The following SMG7 variants were observed in gnomAD, a reference collection of about 807,000 sequenced individuals.
SMG7 encodes nonsense-mediated mRNA decay factor SMG7.
Under a neutral mutation model 148.2 loss-of-function variants are expected in SMG7, and 34 were observed. The ratio of observed to expected loss-of-function variants is 0.23; its 90% CI spans 0.17 to 0.31. The LOEUF (loss-of-function observed/expected upper bound fraction) is 0.31. Ranked by LOEUF, SMG7 falls within the 10% of genes least tolerant of loss-of-function variation. The pLI, the probability that SMG7 is intolerant of heterozygous loss-of-function variation, is 1.00. For missense variants in SMG7, 1,114 were observed against 1,408.4 expected, an observed-to-expected ratio of 0.79 and a Z score of 3.35; for synonymous variants, 492 against 515.1, an observed-to-expected ratio of 0.96 and a Z score of 0.61.
At position 183,475,445 on chromosome 1, in the gene SMG7, G is replaced by T. The variant is rs188991456; in HGVS notation, c.29+2796G>T. 8.5e-5 allele frequency among the ~76,000 whole-genome samples: 13 copies of T among 152,236 alleles called. No individual in the cohort carries two copies. In the East Asian group the frequency reaches 2.5e-3, roughly 29 times the overall value. On this transcript the variant is annotated intron_variant, in intron 1 of 22. Transcript: ENST00000688051. ...TGTTCCATAATTTATAGTTAAAATGGGTAGACAATGGAGAATCTGAGATGA... is the reference window on the plus strand; with the variant it reads ...TGTTCCATAATTTATAGTTAAAATGTGTAGACAATGGAGAATCTGAGATGA...
At chr1:183,534,059 C>T (rs1667313645) in intron 10 of SMG7, among the ~76,000 whole-genome samples, 1 of 152,192 alleles carries the variant, frequency 6.6e-6, no homozygotes, top group Non-Finnish European at 1.5e-5. Flanking sequence ...TGTACACTCC[C>T]TTGTTCCCAG....
chr1:183,491,558 C>CAT (rs1373246991), intron 1 of SMG7, among the ~76,000 whole-genome samples: 74 of 151,840 alleles, frequency 4.9e-4, no homozygotes, highest in Non-Finnish European at 8.4e-4. Flanking sequence ...TGGCTATATA[C>CAT]ATATATATAT....
chr1:183,508,483 T>C (rs550516980), intron 1 of SMG7, among the ~76,000 whole-genome samples: 1 of 152,320 alleles, frequency 6.6e-6, no homozygotes, highest in East Asian at 1.9e-4. Flanking sequence ...TGAGCCACCA[T>C]GCCTGGCCTA....
chr1:183,495,797 G>A (rs1294869939), intron 1 of SMG7, among the ~76,000 whole-genome samples: 2 of 152,090 alleles, frequency 1.3e-5, no homozygotes, highest in Non-Finnish European at 2.9e-5. Flanking sequence ...GAACCCAGGA[G>A]GCAGAGGTTG....
At chr1:183,500,443 A>G (rs906566071) in intron 1 of SMG7, among the ~76,000 whole-genome samples, 2 of 152,158 alleles carry the variant, frequency 1.3e-5, no homozygotes, top group Non-Finnish European at 2.9e-5. Flanking sequence ...GGTTTTAGAA[A>G]CCTTGAGTTT....
chr1:183,538,261 G>A (rs1346174214), intron 11 of SMG7, 119 bp from the exon 12 acceptor site: 4 of 691,260 alleles, frequency 5.8e-6, no homozygotes, highest in Non-Finnish European at 5.2e-6. Flanking sequence ...GAAGAGCAGA[G>A]AACAATAAGC....
Position 183,553,608 on chromosome 1 carries a change from G to GCCCCCCCCCCCCCCCCCC in SMG7, c.*1685_*1686insCCCCCCCCCCCCCCCCCC, listed in dbSNP as rs3832026. On this transcript the variant is annotated 3_prime_UTR_variant, in exon 23 of 23. Coordinates refer to ENST00000688051, the MANE Select transcript of SMG7 (RefSeq NM_001375584.1). ...TTGCTCTTCAGAGAGAGTGGTTGGA[G>GCCCCCCCCCCCCCCCCCC]CCCCCCCCGCCCCGTATGCTTACAT... 3.1e-5 allele frequency: 4 copies of GCCCCCCCCCCCCCCCCCC among 128,372 alleles called. No individual in the cohort carries two copies. The highest frequency in any genetic ancestry group is 5.1e-5 in the Non-Finnish European group (3 of 59,292). The allele number at this position is 128,372 out of a possible 1,614,324, so 8.0% of individuals were successfully genotyped here.
chr1:183,507,421 A>G (rs1012393977), intron 1 of SMG7, among the ~76,000 whole-genome samples: 2 of 152,138 alleles, frequency 1.3e-5, no homozygotes, highest in African/African-American at 4.8e-5. Flanking sequence ...GAGAGGAACT[A>G]TTATATAATA....
At chr1:183,509,521 C>T (rs905027239) in intron 1 of SMG7, among the ~76,000 whole-genome samples, 2 of 152,100 alleles carry the variant, frequency 1.3e-5, no homozygotes, top group Non-Finnish European at 2.9e-5. Flanking sequence ...ATTTATAAAA[C>T]AGGAATAAGT....
chr1:183,541,227 T>A (rs572869792), intron 13 of SMG7, 124 bp downstream of exon 13: 1 of 835,846 alleles, frequency 1.2e-6, no homozygotes, highest in East Asian at 2.6e-5. Context: ...GTATAAATAT[T>A]GTCAATCATG....
At chr1:183,473,564 G>C (rs1054851936) in intron 1 of SMG7, among the ~76,000 whole-genome samples, 2 of 152,166 alleles carry the variant, frequency 1.3e-5, no homozygotes, top group Admixed American at 6.5e-5. Context: ...CAGCTGAAAG[G>C]TTCCATGGAA....
At chr1:183,538,204 A>G (rs541182305) in intron 11 of SMG7, among the ~76,000 whole-genome samples, 176 bp from the exon 12 acceptor site, 1 of 152,334 alleles carries the variant, frequency 6.6e-6, no homozygotes, top group East Asian at 1.9e-4. Context: ...CAAAGATAAC[A>G]TGCAGAGTTT....
Position 183,533,738 on chromosome 1 carries a change from A to G in SMG7, c.1069A>G (p.Asn357Asp). 1 of 1,613,612 alleles carries G rather than the reference A, an allele frequency of 6.2e-7. No homozygotes were observed. Among genetic ancestry groups the G allele is most frequent in the Non-Finnish European group, 8.5e-7 (1 of 1,179,664 alleles). Reference sequence around the variant, plus strand: ...GAATGAGTCTCAGGAGGAGTCCTACAATGCCTATCCTCTTCCAGCAGTCAA... The same window carrying G: ...GAATGAGTCTCAGGAGGAGTCCTACGATGCCTATCCTCTTCCAGCAGTCAA... ...LQNESQEESY[N>D]AYPLPAVKVS... Residue 357 changes from asparagine (N) to aspartate (D), a missense_variant, in exon 10 of 23, where the codon AAT (asparagine) becomes GAT (aspartate). Physicochemically the swap from Asn to Asp is conservative, Grantham distance 23 (BLOSUM62 1). Around this residue, in one of 4 missense-constraint regions of SMG7, gnomAD observed 102 missense variants for 147.2 expected, o/e 0.69. Transcript: ENST00000688051.
At chr1:183,520,899 T>C (rs1395271355) in intron 4 of SMG7, among the ~76,000 whole-genome samples, 1 of 152,184 alleles carries the variant, frequency 6.6e-6, no homozygotes, top group Non-Finnish European at 1.5e-5. Flanking sequence ...AGGGAAAATA[T>C]GGATACTCTC....
intron 14 of SMG7, among the ~76,000 whole-genome samples, chr1:183,543,520 C>T (rs1314303129): frequency 2.0e-5 from 3 of 152,050 alleles, no homozygotes; most frequent in Admixed American, 1.3e-4. Flanking sequence ...GCCAAAGGAT[C>T]CGAGTTTTAG....
At chr1:183,542,545 C>G (rs945705600) in intron 14 of SMG7, 43 bp downstream of exon 14, 1 of 1,511,634 alleles carries the variant, frequency 6.6e-7, no homozygotes, top group African/African-American at 1.4e-5. Flanking sequence ...GGAAGGCTCA[C>G]ACAAAAGGCA....
chr1:183,487,188 C>T (rs539779306), intron 1 of SMG7, among the ~76,000 whole-genome samples: 1 of 152,210 alleles, frequency 6.6e-6, no homozygotes, highest in Middle Eastern at 3.4e-3. Context: ...GGTGCCATTC[C>T]TTCTAGAGTG....
chr1:183,491,277 A>T (rs1557961068), intron 1 of SMG7, among the ~76,000 whole-genome samples: 2 of 152,246 alleles, frequency 1.3e-5, no homozygotes, highest in African/African-American at 4.8e-5. Flanking sequence ...GTACACATTC[A>T]TAGTTCCTTC....
At chr1:183,478,795 G>A (rs1457916119) in intron 1 of SMG7, among the ~76,000 whole-genome samples, 2 of 152,142 alleles carry the variant, frequency 1.3e-5, no homozygotes, top group Non-Finnish European at 2.9e-5. Flanking sequence ...AAGTTTAGAT[G>A]GGTTAGTTTA....
Sources: gnomAD v4.1 joint callset for allele counts (sites outside exome capture counted in the v4.1 genomes callset) on GRCh38, gnomAD v4.1.1 for gene constraint, gnomAD v4.1.1 regional missense constraint, MANE v1.5 for transcripts, NCBI Gene and HGNC (gene_info 2026-07-23, HGNC 2026-07-21) for gene names.